CHRNA9: variants seen among roughly 807,000 people sequenced by gnomAD.
CHRNA9 encodes cholinergic receptor nicotinic alpha 9 subunit.
A neutral mutation model predicts 36.8 loss-of-function variants in CHRNA9; 24 were observed. The observed-to-expected ratio is 0.65, with a 90% CI of 0.47 to 0.92. The LOEUF (loss-of-function observed/expected upper bound fraction) is 0.92. Among genes scored for constraint, CHRNA9 ranks in the 40% least tolerant of loss-of-function variants. CHRNA9 has a pLI of 0.00. For missense variants in CHRNA9, 610 were observed against 601.2 expected, an observed-to-expected ratio of 1.01 and a Z score of -0.15; for synonymous variants, 231 against 231.8, an observed-to-expected ratio of 1.00 and a Z score of 0.03.
chr4:40,354,059 G>A lies in CHRNA9; in HGVS notation c.979G>A (p.Gly327Arg). Reference protein sequence around the residue: ...TIMVMNIHFCGAEARPVPHWA... With the variant: ...TIMVMNIHFCRAEARPVPHWA... The stretch of plus-strand genomic sequence containing the variant: ...CATGGTGATGAATATCCACTTCTGT[G>A]GGGCCGAGGCCCGGCCGGTGCCACA... Residue 327 changes from glycine (G) to arginine (R), a missense_variant, in exon 5 of 5, where the codon GGG becomes AGG. By Grantham distance (125) the Gly-to-Arg change is moderately radical. Coordinates refer to ENST00000310169, the MANE Select transcript of CHRNA9 (RefSeq NM_017581.4). The A allele has an allele frequency of 6.2e-7, 1 of 1,614,196 alleles. No individual in the cohort carries two copies. Among genetic ancestry groups the A allele is most frequent in the Non-Finnish European group, 8.5e-7 (1 of 1,180,024 alleles).
chr4:40,349,235 A>G lies in CHRNA9; in HGVS notation c.719A>G (p.Tyr240Cys), dbSNP rs942615324. ...TLLLKRRSSF[Y>C]IVNLLIPCVL... ...CTTCTGAAGAGGAGGTCCTCGTTCT[A>G]TATCGTCAACCTCCTCATCCCATGC... Residue 240 changes from tyrosine to cysteine, a missense_variant, in exon 4 of 5, where the codon TAT becomes TGT. Tyr to Cys is a radical substitution (Grantham distance 194, BLOSUM62 -2). Coordinates refer to ENST00000310169, the MANE Select transcript of CHRNA9 (RefSeq NM_017581.4). 3 of 1,613,990 alleles carry G rather than the reference A, an allele frequency of 1.9e-6. No homozygotes were observed. The African/African-American group carries it at 4.0e-5, about 22-fold the overall frequency.
At chr4:40,336,722 C>T (rs1210700201) in intron 2 of CHRNA9, among the ~76,000 whole-genome samples, 1 of 152,032 alleles carries the variant, frequency 6.6e-6, no homozygotes, top group South Asian at 2.1e-4. Flanking sequence ...CCTCATGATT[C>T]GCCCGCCTCG....
chr4:40,349,479 T>G (rs1196999198), intron 4 of CHRNA9, 65 bp downstream of exon 4: 1 of 1,462,730 alleles, frequency 6.8e-7, no homozygotes, highest in African/African-American at 1.4e-5. Flanking sequence ...CCTTTAAGGT[T>G]GTGTGTGTGC....
intron 3 of CHRNA9, among the ~76,000 whole-genome samples, chr4:40,344,980 G>A (rs1373172558): frequency 1.3e-5 from 2 of 152,136 alleles, no homozygotes; most frequent in Non-Finnish European, 2.9e-5. Context: ...GCAGAAAAGG[G>A]GGACTATTAT....
In CHRNA9 at chr4:40,335,357, A is replaced by G. The variant is rs1577542391; in HGVS notation, c.-111A>G. The G allele has an allele frequency of 2.4e-6, 2 of 827,062 alleles. No homozygotes were observed. The highest frequency in any genetic ancestry group is 4.2e-6 in the Non-Finnish European group (2 of 479,424). 51.2% of individuals were successfully genotyped at this position (827,062 alleles called of 1,614,324 possible). A position where few individuals can be genotyped will look rare whatever the true frequency, so the allele number is the denominator to read the frequency against. On this transcript the variant is annotated 5_prime_UTR_variant, in exon 1 of 5. Coordinates refer to ENST00000310169, the MANE Select transcript of CHRNA9 (RefSeq NM_017581.4). ...CAATGCAAGCCTGAGCTCTCCCGCC[A>G]TAAGGCTGCAGCGGTGTGGGCTCCT...
intron 3 of CHRNA9, chr4:40,338,083 A>G (rs1465170527): frequency 6.6e-6 from 1 of 152,200 alleles, no homozygotes; most frequent in Non-Finnish European, 1.5e-5. Flanking sequence ...AGTGACACTC[A>G]CCATCCAAGA....
Position 40,354,144 on chromosome 4 carries a change from G to A in CHRNA9, c.1064G>A (p.Gly355Asp), listed in dbSNP as rs1239755565. 6.2e-7 allele frequency: 1 copy of A among 1,614,168 alleles called. No individual in the cohort carries two copies. Among genetic ancestry groups the A allele is most frequent in the Non-Finnish European group, 8.5e-7 (1 of 1,180,006 alleles). ...AGGGTCTTGTTTGTCTATGATGTGG[G>A]TGAAAGCTGCCTCAGCCCGCACCAC... ...MSRVLFVYDV[G>D]ESCLSPHHSR... The change falls in exon 5 of 5, where the codon GGT becomes GAT. Residue 355 changes from glycine (G) to aspartate (D), a missense_variant. Physicochemically the swap from Gly to Asp is moderately conservative, Grantham distance 94. Coordinates refer to ENST00000310169, the MANE Select transcript of CHRNA9 (RefSeq NM_017581.4).
At chr4:40,336,463 G>C (rs915647694) in intron 2 of CHRNA9, among the ~76,000 whole-genome samples, 1 of 150,794 alleles carries the variant, frequency 6.6e-6, no homozygotes, top group Non-Finnish European at 1.5e-5. Context: ...AAAATGGTGA[G>C]TTTTAATGTG....
At chr4:40,350,200 T>G (rs1712762269) in intron 4 of CHRNA9, among the ~76,000 whole-genome samples, 1 of 152,196 alleles carries the variant, frequency 6.6e-6, no homozygotes, top group East Asian at 1.9e-4. Flanking sequence ...GAGAGTGTAT[T>G]AAAATGCAAG....
At chr4:40,345,278 G>A (rs1020022241) in intron 3 of CHRNA9, among the ~76,000 whole-genome samples, 8 of 152,062 alleles carry the variant, frequency 5.3e-5, no homozygotes, top group African/African-American at 1.4e-4. Context: ...TTGGCTGGGC[G>A]CGGTGGCTTG....
In CHRNA9 at chr4:40,337,384, G is replaced by A. The variant is rs1450921722; in HGVS notation, c.365+20G>A. On this transcript the variant is annotated intron_variant, in intron 3 of 4. Coordinates refer to ENST00000310169, the MANE Select transcript of CHRNA9 (RefSeq NM_017581.4). ...TAACAAGTAAGTGCAGCTCAGAACT[G>A]AGGCTTTTCAGGCATGAACGTGTTG... The A allele has an allele frequency of 6.3e-7, 1 of 1,598,014 alleles. No individual in the cohort carries two copies. The highest frequency in any genetic ancestry group is 8.6e-7 in the Non-Finnish European group (1 of 1,168,260).
At chr4:40,344,026 A>T (rs557214681) in intron 3 of CHRNA9, among the ~76,000 whole-genome samples, 27 of 152,298 alleles carry the variant, frequency 1.8e-4, no homozygotes, top group Admixed American at 1.3e-4. Flanking sequence ...GGGAGATGAG[A>T]TGGCCAGAAT....
At chr4:40,353,946 C>G (rs1459807234) in intron 4 of CHRNA9, 33 bp from the exon 5 acceptor site, 1 of 1,549,934 alleles carries the variant, frequency 6.5e-7, no homozygotes, top group South Asian at 1.2e-5. Context: ...CATTTTAAAG[C>G]AAATTCAGTT....
intron 3 of CHRNA9, among the ~76,000 whole-genome samples, chr4:40,341,692 G>A (rs1019692337): frequency 1.3e-5 from 2 of 152,206 alleles, no homozygotes; most frequent in Non-Finnish European, 2.9e-5. Context: ...TCTGTGGAGT[G>A]TGGTTTCGTT....
intron 3 of CHRNA9, among the ~76,000 whole-genome samples, chr4:40,340,905 GAACA>G (rs1002678351): frequency 5.2e-5 from 6 of 115,534 alleles, no homozygotes; most frequent in African/African-American, 2.0e-4. Flanking sequence ...AGAAAAAAGA[GAACA>G]AACAACGTTC....
At chr4:40,351,317 G>A (rs1712799400) in intron 4 of CHRNA9, among the ~76,000 whole-genome samples, 1 of 138,100 alleles carries the variant, frequency 7.2e-6, no homozygotes, top group South Asian at 2.4e-4. Flanking sequence ...GGGGGACAGT[G>A]TGAGACTTCG....
At chr4:40,351,990 A>G (rs542417129) in intron 4 of CHRNA9, among the ~76,000 whole-genome samples, 2 of 152,354 alleles carry the variant, frequency 1.3e-5, no homozygotes, top group Admixed American at 6.5e-5. Flanking sequence ...TGAACTGGAC[A>G]GTTTTCCCTC....
At position 40,335,401 on chromosome 4, in the gene CHRNA9, A is replaced by T; in HGVS notation, c.-67A>T. The T allele has an allele frequency of 8.3e-7, 1 of 1,203,688 alleles. No homozygotes were observed. Among genetic ancestry groups the T allele is most frequent in the Non-Finnish European group, 1.2e-6 (1 of 805,842 alleles). 74.6% of individuals were successfully genotyped at this position (1,203,688 alleles called of 1,614,324 possible). On this transcript the variant is annotated 5_prime_UTR_variant, in exon 1 of 5. Transcript: ENST00000310169. ...GGCTCCTTGTGCCCAGATCCTTTGT[A>T]TTCATAGGGGGAAGTGGAAGACCAC...
At chr4:40,335,792 T>C (rs1320032947) in intron 1 of CHRNA9, 35 bp from the exon 2 acceptor site, 3 of 1,598,172 alleles carry the variant, frequency 1.9e-6, no homozygotes, top group Non-Finnish European at 2.6e-6. Context: ...CACACAACAC[T>C]CTGAATGTTA....
Sources: gnomAD v4.1 joint callset for allele counts (sites outside exome capture counted in the v4.1 genomes callset) on GRCh38, gnomAD v4.1.1 for gene constraint, MANE v1.5 for transcripts, NCBI Gene and HGNC (gene_info 2026-07-23, HGNC 2026-07-21) for gene names.